The following PLCH1 variants were observed in gnomAD, a reference collection of about 807,000 sequenced individuals.
PLCH1 encodes the protein 1-phosphatidylinositol 4,5-bisphosphate phosphodiesterase eta-1.
In PLCH1, 60 loss-of-function variants were observed where a neutral mutation model predicts 126.7. The observed-to-expected ratio is 0.47, with a 90% CI of 0.38 to 0.59. PLCH1 has a LOEUF of 0.59. Ranked by LOEUF, PLCH1 falls within the 20% of genes least tolerant of loss-of-function variation. The pLI is 0.00. For missense variants in PLCH1, 1,723 were observed against 2,040.0 expected (o/e 0.84, Z 2.99); for synonymous variants, 719 against 734.9 (o/e 0.98, Z 0.35).
At chr3:155,520,266 A>T (rs1301667572) in intron 11 of PLCH1, among the ~76,000 whole-genome samples, 1 of 152,250 alleles carries the variant, frequency 6.6e-6, no homozygotes, top group Non-Finnish European at 1.5e-5. Context: ...AACGAACAAG[A>T]TTCATAATCC....
chr3:155,730,529 C>T (rs964366250), intron 1 of PLCH1, among the ~76,000 whole-genome samples: 2 of 152,192 alleles, frequency 1.3e-5, no homozygotes, highest in African/African-American at 4.8e-5. Context: ...GACCCACCCA[C>T]CTTGGCCTTC....
At chr3:155,524,596 AG>A (rs1362278861) in intron 10 of PLCH1, among the ~76,000 whole-genome samples, 4 of 152,218 alleles carry the variant, frequency 2.6e-5, no homozygotes, top group African/African-American at 9.6e-5. Flanking sequence ...AGTCTGAATT[AG>A]GGGCAAAATA....
chr3:155,576,958 C>T (rs934228868), intron 6 of PLCH1, among the ~76,000 whole-genome samples: 2 of 152,144 alleles, frequency 1.3e-5, no homozygotes, highest in Non-Finnish European at 2.9e-5. Context: ...TAAAACTACT[C>T]CAGTATCATT....
intron 1 of PLCH1, among the ~76,000 whole-genome samples, chr3:155,720,849 T>C (rs1747896272): frequency 2.0e-5 from 3 of 152,242 alleles, no homozygotes; most frequent in Admixed American, 2.0e-4. Flanking sequence ...ATTTGTAAAG[T>C]TTCAGGTCTT....
chr3:155,633,093 G>A (rs186556243), intron 2 of PLCH1, among the ~76,000 whole-genome samples: 47 of 152,128 alleles, frequency 3.1e-4, no homozygotes. Context: ...AGGGGCTGGA[G>A]GTGAGACAGT....
At chr3:155,641,718 T>G (rs1739420516) in intron 2 of PLCH1, among the ~76,000 whole-genome samples, 1 of 152,230 alleles carries the variant, frequency 6.6e-6, no homozygotes, top group African/African-American at 2.4e-5. Context: ...TATGTACAAC[T>G]GTTATGTATC....
Position 155,481,834 on chromosome 3 carries a change from T to A in PLCH1, c.4192A>T (p.Asn1398Tyr). The A allele has an allele frequency of 1.9e-6, 3 of 1,614,182 alleles. No homozygotes were observed. The highest frequency in any genetic ancestry group is 2.5e-6 in the Non-Finnish European group (3 of 1,180,028). ...CGGAGGGTCTCTTTACAGTAGCCGT[T>A]TCTCAAACCTCTTTGAAAGTGTTCT... ...VVEHFQRGLR[N>Y]GYCKETLRPS... Residue 1398 changes from asparagine to tyrosine, a missense_variant, in exon 23 of 23, where the codon AAC becomes TAC. Coordinates refer to ENST00000460012, the MANE Select transcript of PLCH1 (RefSeq NM_014996.4). The surrounding 1 kb of genome is among the most constrained non-coding windows in gnomAD (Gnocchi z 4.2).
chr3:155,630,720 A>C (rs1047816964), intron 2 of PLCH1, among the ~76,000 whole-genome samples: 2 of 152,236 alleles, frequency 1.3e-5, no homozygotes, highest in African/African-American at 4.8e-5. Context: ...ACTTTATACA[A>C]AAATGGTGGC....
chr3:155,642,347 T>C (rs533214637), intron 2 of PLCH1, among the ~76,000 whole-genome samples: 1 of 152,280 alleles, frequency 6.6e-6, no homozygotes, highest in East Asian at 1.9e-4. Context: ...TCAGGATAAA[T>C]TGCAGACTCT....
At chr3:155,460,581 G>GC (rs1712673010) in intron 21 of PLCH1, among the ~76,000 whole-genome samples, 1 of 152,036 alleles carries the variant, frequency 6.6e-6, no homozygotes, top group Non-Finnish European at 1.5e-5. Flanking sequence ...AGCAGTGTTA[G>GC]CCCCCCCTCC....
rs1012550257 is a variant in PLCH1 at position 155,481,252 on chromosome 3, T to C, written c.4774A>G (p.Asn1592Asp). The change falls in exon 23 of 23, where the codon AAC becomes GAC. Residue 1592 changes from asparagine (N) to aspartate (D), a missense_variant. By Grantham distance (23) the Asn-to-Asp change is conservative. Coordinates refer to ENST00000460012, the MANE Select transcript of PLCH1 (RefSeq NM_014996.4). The surrounding 1 kb of genome is among the most constrained non-coding windows in gnomAD (Gnocchi z 4.2). ...ASRAKEKQEANKQKVPNPSNG... is the reference protein window; with the variant it reads ...ASRAKEKQEADKQKVPNPSNG... ...CTGGGGTTTGGAACTTTCTGCTTGT[T>C]GGCTTCCTGTTTCTCCTTGGCACGA... 6.2e-7 allele frequency: 1 copy of C among 1,614,246 alleles called. No homozygotes were observed.
chr3:155,600,946 C>T (rs908500931), intron 2 of PLCH1, among the ~76,000 whole-genome samples: 1 of 152,102 alleles, frequency 6.6e-6, no homozygotes, highest in African/African-American at 2.4e-5. Context: ...AGAGTCCCAT[C>T]GATAAAAGAA....
intron 2 of PLCH1, among the ~76,000 whole-genome samples, chr3:155,676,840 T>A (rs904052760): frequency 5.3e-4 from 80 of 150,428 alleles, no homozygotes; most frequent in African/African-American, 1.9e-3. Flanking sequence ...TTCTCATGTT[T>A]AAAAAAAAAA....
chr3:155,722,225 G>A (rs544790020), intron 1 of PLCH1, among the ~76,000 whole-genome samples: 342 of 151,802 alleles, frequency 2.3e-3, no homozygotes, highest in Non-Finnish European at 3.5e-3. Context: ...GTGCAATGAC[G>A]TGATCTCGGC....
chr3:155,454,668 T>C (rs1000792471), intron 21 of PLCH1, among the ~76,000 whole-genome samples: 4 of 152,244 alleles, frequency 2.6e-5, no homozygotes, highest in Admixed American at 2.6e-4. Context: ...GACCCTTTGC[T>C]TTTGAAAGAG....
At chr3:155,599,739 G>A (rs1219209260) in intron 2 of PLCH1, among the ~76,000 whole-genome samples, 1 of 152,084 alleles carries the variant, frequency 6.6e-6, no homozygotes, top group African/African-American at 2.4e-5. Flanking sequence ...ACGCCAGAGT[G>A]GAAAACTGAG....
At chr3:155,488,228 T>G in intron 20 of PLCH1, 121 bp from the exon 21 acceptor site, 1 of 650,752 alleles carries the variant, frequency 1.5e-6, no homozygotes, top group Admixed American at 2.5e-5. Flanking sequence ...GACAGAGTGT[T>G]GCTCTGTTGC....
At chr3:155,584,405 C>T (rs1247394857) in intron 5 of PLCH1, among the ~76,000 whole-genome samples, 4 of 152,230 alleles carry the variant, frequency 2.6e-5, no homozygotes, top group Non-Finnish European at 5.9e-5. Flanking sequence ...TCCTTGGTAA[C>T]TCCCTGCTTT....
chr3:155,633,186 C>T (rs1424955110), intron 2 of PLCH1, among the ~76,000 whole-genome samples: 3 of 152,080 alleles, frequency 2.0e-5, no homozygotes, highest in Non-Finnish European at 4.4e-5. Context: ...GGCACCAAGA[C>T]CTACCTACTT....
Sources: allele counts gnomAD v4.1 joint callset (sites outside exome capture counted in the v4.1 genomes callset), GRCh38; gene constraint gnomAD v4.1.1; non-coding constraint Gnocchi (gnomAD v3.1); transcripts MANE v1.5; gene names NCBI Gene and HGNC (gene_info 2026-07-23, HGNC 2026-07-21).